The following PCDH15 variants were observed in gnomAD, a reference collection of about 807,000 sequenced individuals.
The protein encoded by PCDH15 is protocadherin-15.
A neutral mutation model predicts 178.5 loss-of-function variants in PCDH15; 129 were observed. The observed-to-expected ratio is 0.72, with a 90% CI of 0.63 to 0.84. The LOEUF (loss-of-function observed/expected upper bound fraction) is 0.84. PCDH15 is among the 40% of genes least tolerant of loss of function. PCDH15 has a pLI of 0.00. For missense variants in PCDH15, 2,230 were observed against 2,099.9 expected (o/e 1.06, Z -1.21); for synonymous variants, 800 against 732.0 (o/e 1.09, Z -1.50).
chr10:53,915,497 G>T (rs1352643734), intron 25 of PCDH15, among the ~76,000 whole-genome samples: 2 of 152,136 alleles, frequency 1.3e-5, no homozygotes, highest in Admixed American at 1.3e-4. Flanking sequence ...TATGTGTTTG[G>T]CTGATAGGTT....
intron 1 of PCDH15, among the ~76,000 whole-genome samples, chr10:55,202,950 A>C (rs1840296069): frequency 6.6e-6 from 1 of 152,184 alleles, no homozygotes; most frequent in South Asian, 2.1e-4. Context: ...TCTTTCCTTC[A>C]TAAATCATCC....
intron 1 of PCDH15, among the ~76,000 whole-genome samples, chr10:54,721,226 C>CA (rs1303901123): frequency 6.6e-6 from 1 of 151,588 alleles, no homozygotes; most frequent in Non-Finnish European, 1.5e-5. Flanking sequence ...CTCTGGGATA[C>CA]AACAAAGAAA....
At chr10:55,053,221 A>C in intron 2 of PCDH15, among the ~76,000 whole-genome samples, 1 of 152,210 alleles carries the variant, frequency 6.6e-6, no homozygotes, top group Non-Finnish European at 1.5e-5. Flanking sequence ...CCTAATTGGA[A>C]ACTACTATAG....
At position 54,004,451 on chromosome 10, in the gene PCDH15, A is replaced by T. The variant is rs183124556; in HGVS notation, c.2752-8686T>A. On this transcript the variant is annotated intron_variant, in intron 20 of 37. Coordinates refer to ENST00000644397, the MANE Select transcript of PCDH15 (RefSeq NM_001384140.1). ...CCACACAAAGTATTAGAACTGATAA[A>T]TTTAGTAAAGTTGCAAGATACAAAA... Among the ~76,000 whole-genome samples the T allele has an allele frequency of 2.8e-3, 420 of 151,446 alleles. 2 individuals carry two copies. The highest frequency in any genetic ancestry group is 9.9e-3 in the African/African-American group (406 of 41,126).
intron 3 of PCDH15, among the ~76,000 whole-genome samples, chr10:54,477,463 G>A (rs1231549450): frequency 2.6e-5 from 4 of 152,258 alleles, no homozygotes; most frequent in South Asian, 2.1e-4. Context: ...ACGCATCTGC[G>A]TCCATCACCA....
chr10:54,130,763 C>T (rs577105916), intron 15 of PCDH15, among the ~76,000 whole-genome samples: 109 of 152,258 alleles, frequency 7.2e-4, no homozygotes, highest in Middle Eastern at 6.8e-3. Flanking sequence ...TTGAGCAGTG[C>T]GTCAGCTGTA....
At chr10:54,492,735 C>A (rs2079717222) in intron 3 of PCDH15, among the ~76,000 whole-genome samples, 1 of 152,084 alleles carries the variant, frequency 6.6e-6, no homozygotes, top group Non-Finnish European at 1.5e-5. Flanking sequence ...ACTTTTATTA[C>A]AGTGTATTGT....
chr10:53,958,242 A>G (rs1464537006), intron 23 of PCDH15, among the ~76,000 whole-genome samples: 1 of 152,126 alleles, frequency 6.6e-6, no homozygotes, highest in East Asian at 1.9e-4. Flanking sequence ...TCCAACTTTC[A>G]ATTTTTCTTT....
intron 2 of PCDH15, among the ~76,000 whole-genome samples, chr10:55,616,519 C>CAAA (rs34005780): frequency 0.015 from 1,906 of 127,446 alleles, 32 homozygotes; most frequent in African/African-American, 0.043. Context: ...CTGAAATTAG[C>CAAA]AAAAAAAAAA....
At chr10:55,220,690 T>A (rs750867137) in intron 1 of PCDH15, among the ~76,000 whole-genome samples, 2 of 152,052 alleles carry the variant, frequency 1.3e-5, no homozygotes, top group Non-Finnish European at 2.9e-5. Context: ...AAATATGATA[T>A]CATGATTCTC....
In PCDH15 at chr10:54,013,946, A is replaced by G. The variant is rs529484259; in HGVS notation, c.2751+6246T>C. On this transcript the variant is annotated intron_variant, in intron 20 of 37. Transcript: ENST00000644397. Reference sequence around the variant, plus strand: ...GAAATTGAGATGCAAAGACCATATAAAAGATAAATGAATTTAGGAATTATC... The same window carrying G: ...GAAATTGAGATGCAAAGACCATATAGAAGATAAATGAATTTAGGAATTATC... Among the ~76,000 whole-genome samples the G allele has an allele frequency of 2.0e-5, 3 of 152,238 alleles. No homozygotes were observed. In the South Asian group the frequency reaches 6.2e-4, roughly 32 times the overall value.
intron 2 of PCDH15, among the ~76,000 whole-genome samples, chr10:55,028,284 T>G (rs1591844349): frequency 6.6e-6 from 1 of 151,906 alleles, no homozygotes; most frequent in Middle Eastern, 3.4e-3. Flanking sequence ...CCCAAACTGG[T>G]TTATTTTACT....
At chr10:55,218,988 T>C (rs949850542) in intron 1 of PCDH15, among the ~76,000 whole-genome samples, 3 of 152,078 alleles carry the variant, frequency 2.0e-5, no homozygotes, top group African/African-American at 4.8e-5. Context: ...AAAATGAATA[T>C]CATTCACAGG....
chr10:54,568,932 G>A (rs2089417649), intron 2 of PCDH15, among the ~76,000 whole-genome samples: 1 of 151,840 alleles, frequency 6.6e-6, no homozygotes, highest in African/African-American at 2.4e-5. Context: ...TTGCCATTTT[G>A]TAGTCTGTAA....
At chr10:53,963,156 C>T (rs2088552703) in intron 21 of PCDH15, among the ~76,000 whole-genome samples, 1 of 152,080 alleles carries the variant, frequency 6.6e-6, no homozygotes, top group African/African-American at 2.4e-5. Context: ...TTTCCATTTT[C>T]TTCAAGACTG....
At chr10:54,388,646 C>T (rs568604225) in intron 3 of PCDH15, among the ~76,000 whole-genome samples, 3 of 152,250 alleles carry the variant, frequency 2.0e-5, no homozygotes, top group East Asian at 1.9e-4. Flanking sequence ...ATTGTAGTAA[C>T]ATTATTGGAT....
chr10:54,547,816 G>A (rs965746621), intron 2 of PCDH15, among the ~76,000 whole-genome samples: 2 of 151,964 alleles, frequency 1.3e-5, no homozygotes, highest in African/African-American at 4.8e-5. Flanking sequence ...AAAGTGCTGT[G>A]TCATGGGTAT....
At chr10:55,623,842 GA>G (rs773531692) in intron 2 of PCDH15, among the ~76,000 whole-genome samples, 13 of 151,786 alleles carry the variant, frequency 8.6e-5, no homozygotes, top group Admixed American at 7.2e-4. Flanking sequence ...TATCATTGGA[GA>G]AAAGTCAATG....
At chr10:54,276,349 T>A (rs2058351859) in intron 8 of PCDH15, among the ~76,000 whole-genome samples, 1 of 151,714 alleles carries the variant, frequency 6.6e-6, no homozygotes, top group South Asian at 2.1e-4. Context: ...GAATTGGTAA[T>A]TCACAAAAGA....
Sources: gnomAD v4.1 joint callset for allele counts (sites outside exome capture counted in the v4.1 genomes callset) on GRCh38, gnomAD v4.1.1 for gene constraint, MANE v1.5 for transcripts, NCBI Gene and HGNC (gene_info 2026-07-23, HGNC 2026-07-21) for gene names.